The following CNTN5 variants were observed in gnomAD, a reference collection of about 807,000 sequenced individuals.
The protein encoded by CNTN5 is contactin-5.
Under a neutral mutation model 129.1 loss-of-function variants are expected in CNTN5, and 77 were observed. That is an observed-to-expected ratio of 0.60 (90% CI 0.50 to 0.72). The LOEUF is 0.72. CNTN5 is among the 30% of genes least tolerant of loss of function. CNTN5 has a pLI of 0.00. For missense variants in CNTN5, 1,478 were observed against 1,328.8 expected, an observed-to-expected ratio of 1.11 and a Z score of -1.75; for synonymous variants, 509 against 465.6, an observed-to-expected ratio of 1.09 and a Z score of -1.20.
At chr11:100,152,937 A>C (rs958983946) in intron 13 of CNTN5, among the ~76,000 whole-genome samples, 3 of 152,060 alleles carry the variant, frequency 2.0e-5, no homozygotes, top group Non-Finnish European at 4.4e-5. Context: ...TGCCCTGAGC[A>C]TGAGATCACC....
chr11:99,727,342 G>A (rs894563111), intron 3 of CNTN5, among the ~76,000 whole-genome samples: 1 of 132,290 alleles, frequency 7.6e-6, no homozygotes, highest in South Asian at 2.6e-4. Context: ...AAATTCCAGG[G>A]CATTGTGCTG....
In CNTN5 at chr11:99,844,815, T is replaced by C. The variant is rs994543514; in HGVS notation, c.278-37T>C. 16 of 1,578,378 alleles carry C rather than the reference T, an allele frequency of 1.0e-5. No individual in the cohort carries two copies. The African/African-American group carries it at 2.2e-4, about 21-fold the overall frequency. ...AAAAACACAAAATATCTTGCTAGTTTAAGGAAATTTAAAATGTGTCTGTTT... is the reference window on the plus strand; with the variant it reads ...AAAAACACAAAATATCTTGCTAGTTCAAGGAAATTTAAAATGTGTCTGTTT... On this transcript the variant is annotated intron_variant, in intron 4 of 24. Coordinates refer to ENST00000524871, the MANE Select transcript of CNTN5 (RefSeq NM_014361.4).
intron 3 of CNTN5, among the ~76,000 whole-genome samples, chr11:99,783,273 C>T (rs1230712532): frequency 2.1e-5 from 2 of 94,620 alleles, no homozygotes; most frequent in Admixed American, 1.3e-4. Flanking sequence ...CAATGAGATA[C>T]CATCTCACAC....
intron 8 of CNTN5, among the ~76,000 whole-genome samples, chr11:99,981,094 A>ATATATACATATATATATATATATATATG (rs1565750323): frequency 3.7e-5 from 3 of 81,248 alleles, no homozygotes; most frequent in East Asian, 8.5e-4. Context: ...ATATATATAT[A>ATATATACATATATATATATATATATATG]TATATATATA....
At chr11:99,392,381 T>C (rs909868811) in intron 2 of CNTN5, among the ~76,000 whole-genome samples, 2 of 151,746 alleles carry the variant, frequency 1.3e-5, no homozygotes, top group Non-Finnish European at 3.0e-5. Context: ...TTGATAAAAG[T>C]GCCACCCCTC....
rs574602426 is a variant in CNTN5, at chr11:99,577,938, G to A, written c.55+21669G>A. ...GGTGTGCTGCACCCATTAACTCGTC[G>A]TTTAGCATTAGGTATATCTCCTAAT... On this transcript the variant is annotated intron_variant, in intron 3 of 24. Coordinates refer to ENST00000524871, the MANE Select transcript of CNTN5 (RefSeq NM_014361.4). Among the ~76,000 whole-genome samples, 857 of 150,534 alleles carry A rather than the reference G, an allele frequency of 5.7e-3. 6 individuals carry two copies. Among genetic ancestry groups the A allele is most frequent in the African/African-American group, 0.019 (793 of 40,878 alleles).
intron 6 of CNTN5, among the ~76,000 whole-genome samples, chr11:99,894,551 C>T (rs1452541391): frequency 9.8e-6 from 1 of 102,004 alleles, no homozygotes; most frequent in Admixed American, 9.4e-5. Context: ...AAAACAAAAA[C>T]AAAAACAAAA....
At chr11:99,527,991 A>G (rs1326873651) in intron 2 of CNTN5, among the ~76,000 whole-genome samples, 1 of 152,206 alleles carries the variant, frequency 6.6e-6, no homozygotes, top group African/African-American at 2.4e-5. Flanking sequence ...AAATTTTTAC[A>G]AATAACTGGG....
chr11:100,017,804 G>C (rs1940910885), intron 9 of CNTN5, among the ~76,000 whole-genome samples: 1 of 150,632 alleles, frequency 6.6e-6, no homozygotes, highest in South Asian at 2.1e-4. Flanking sequence ...TTTTTGGAAA[G>C]AAGGGTTGAA....
intron 2 of CNTN5, among the ~76,000 whole-genome samples, chr11:99,399,607 CT>C (rs11302566): frequency 1 from 150,643 of 150,924 alleles, 75,182 homozygotes; most frequent in Middle Eastern, 1. Flanking sequence ...AGGCAAAGGG[CT>C]TTTTTTTTTA....
chr11:99,499,498 C>A (rs1946349039), intron 2 of CNTN5, among the ~76,000 whole-genome samples: 1 of 152,134 alleles, frequency 6.6e-6, no homozygotes, highest in Non-Finnish European at 1.5e-5. Flanking sequence ...CCTGCTGGTG[C>A]CTTGGTCTTG....
intron 2 of CNTN5, among the ~76,000 whole-genome samples, chr11:99,349,076 C>G (rs949003986): frequency 2.6e-5 from 4 of 152,076 alleles, no homozygotes; most frequent in Non-Finnish European, 5.9e-5. Context: ...GTGGTAAGTG[C>G]TATAGAGAAA....
At chr11:100,111,918 A>C (rs762735038) in intron 13 of CNTN5, among the ~76,000 whole-genome samples, 5 of 152,158 alleles carry the variant, frequency 3.3e-5, no homozygotes, top group Non-Finnish European at 5.9e-5. Context: ...TGAATTTAGT[A>C]GTTTCTTAAC....
chr11:99,240,284 A>T (rs1861482488), intron 1 of CNTN5, among the ~76,000 whole-genome samples: 1 of 152,106 alleles, frequency 6.6e-6, no homozygotes, highest in East Asian at 1.9e-4. Context: ...AATGAGAAAA[A>T]ATCTATTCAG....
chr11:99,480,153 G>C (rs781194643), intron 2 of CNTN5, among the ~76,000 whole-genome samples: 9 of 152,108 alleles, frequency 5.9e-5, no homozygotes, highest in South Asian at 2.1e-4. Flanking sequence ...CTATATGATG[G>C]AGTGTTAGTT....
At chr11:100,065,337 T>G (rs1300772533) in intron 10 of CNTN5, among the ~76,000 whole-genome samples, 1 of 152,060 alleles carries the variant, frequency 6.6e-6, no homozygotes, top group Non-Finnish European at 1.5e-5. Flanking sequence ...AGTGGATAAT[T>G]TTTATTATGA....
At chr11:99,095,444 A>C (rs1327117274) in intron 1 of CNTN5, among the ~76,000 whole-genome samples, 1 of 151,974 alleles carries the variant, frequency 6.6e-6, no homozygotes, top group Admixed American at 6.6e-5. Context: ...AATCATTATA[A>C]ATATATACTT....
intron 8 of CNTN5, among the ~76,000 whole-genome samples, chr11:99,995,973 C>T (rs1280686863): frequency 6.6e-6 from 1 of 152,176 alleles, no homozygotes; most frequent in Admixed American, 6.5e-5. Flanking sequence ...CTCATTTTTA[C>T]TGTGTGGTCA....
intron 2 of CNTN5, among the ~76,000 whole-genome samples, chr11:99,374,083 A>G (rs1042670683): frequency 6.6e-6 from 1 of 152,230 alleles, no homozygotes; most frequent in Non-Finnish European, 1.5e-5. Flanking sequence ...AGAACCCTTT[A>G]GAAATCAGAT....
Sources: gnomAD v4.1 joint callset for allele counts (sites outside exome capture counted in the v4.1 genomes callset) on GRCh38, gnomAD v4.1.1 for gene constraint, MANE v1.5 for transcripts, NCBI Gene and HGNC (gene_info 2026-07-23, HGNC 2026-07-21) for gene names.